Variants in PLA2R1 observed in about 807,000 individuals in gnomAD.
The protein encoded by PLA2R1 is phospholipase A2 receptor 1.
PLA2R1 carries 158 observed loss-of-function variants against 195.9 expected under a neutral mutation model. The observed-to-expected ratio is 0.81, with a 90% CI of 0.71 to 0.92. PLA2R1 has a LOEUF of 0.92. Among genes scored for constraint, PLA2R1 ranks in the 40% least tolerant of loss-of-function variants. The pLI is 0.00. For missense variants in PLA2R1, 1,626 were observed against 1,764.6 expected (o/e 0.92, Z 1.41); for synonymous variants, 586 against 598.2 (o/e 0.98, Z 0.30).
In PLA2R1 at chr2:160,062,323, A is replaced by G; in HGVS notation, c.81T>C (p.Leu27=). 1 of 1,523,536 alleles carries G rather than the reference A, an allele frequency of 6.6e-7. No individual in the cohort carries two copies. Among genetic ancestry groups the G allele is most frequent in the Non-Finnish European group, 8.8e-7 (1 of 1,136,032 alleles). 94.4% of individuals were successfully genotyped at this position (1,523,536 alleles called of 1,614,324 possible). ...GCCACTCCAGGAGCCGCTCGGGGGTAAGCGCCGCCGCCACACCCTCGGCGC... is the reference window on the plus strand; with the variant it reads ...GCCACTCCAGGAGCCGCTCGGGGGTGAGCGCCGCCGCCACACCCTCGGCGC... The part of the protein sequence containing the change: ...RGCAEGVAAA[L]TPERLLEWQD... Residue 27 remains leucine (L), a synonymous_variant, in exon 1 of 30, where the codon CTT becomes CTC. Coordinates refer to ENST00000283243, the MANE Select transcript of PLA2R1 (RefSeq NM_007366.5).
At chr2:160,035,343 A>G (rs947638260) in intron 3 of PLA2R1, among the ~76,000 whole-genome samples, 1 of 152,194 alleles carries the variant, frequency 6.6e-6, no homozygotes, top group Non-Finnish European at 1.5e-5. Flanking sequence ...CTGCTTTGGC[A>G]GAAGAGTCTC....
intron 3 of PLA2R1, among the ~76,000 whole-genome samples, chr2:160,041,290 G>T (rs1261654135): frequency 6.6e-6 from 1 of 152,112 alleles, no homozygotes; most frequent in Non-Finnish European, 1.5e-5. Flanking sequence ...GAAACCAAGG[G>T]AAAGGAAATT....
intron 20 of PLA2R1, among the ~76,000 whole-genome samples, chr2:159,964,602 T>C (rs181064741): frequency 6.6e-6 from 1 of 152,288 alleles, no homozygotes; most frequent in East Asian, 1.9e-4. Context: ...TGTACCTCAT[T>C]ACTATAGTAA....
At chr2:159,947,137 T>G (rs753624335) in intron 26 of PLA2R1, among the ~76,000 whole-genome samples, 6 of 152,194 alleles carry the variant, frequency 3.9e-5, no homozygotes, top group Admixed American at 6.6e-5. Context: ...TTAGGGAACA[T>G]TCAAAATTCA....
Position 160,028,138 on chromosome 2 carries a change from A to G in PLA2R1, c.1099+80T>C, listed in dbSNP as rs1006700016. The G allele has an allele frequency of 5.5e-6, 5 of 912,702 alleles. No homozygotes were observed. In the Admixed American group the frequency reaches 1.3e-4, roughly 24 times the overall value. 56.5% of individuals were successfully genotyped at this position (912,702 alleles called of 1,614,324 possible). A position where few individuals can be genotyped will look rare whatever the true frequency, so the allele number is the denominator to read the frequency against. On this transcript the variant is annotated intron_variant, in intron 6 of 29. Transcript: ENST00000283243. ...AGCTAAGTTTACATTATGAATTATT[A>G]GCAAAAAATAGAGAAATTTACATAT...
rs1231700939 is a variant in PLA2R1, at chr2:159,955,222, C to T, written c.3278G>A (p.Gly1093Glu). 1 of 1,608,718 alleles carries T rather than the reference C, an allele frequency of 6.2e-7. No individual in the cohort carries two copies. Among genetic ancestry groups the T allele is most frequent in the East Asian group, 2.2e-5 (1 of 44,512 alleles). ...ACCTTGCATTTTTTCACAAACAAAC[C>T]CATAGCCTTCCTTTCCACAGTCTTC... Reference protein sequence around the residue: ...YFEDCGKEGYGFVCEKMQDTS... With the variant: ...YFEDCGKEGYEFVCEKMQDTS... Residue 1093 changes from glycine to glutamate, a missense_variant, in exon 23 of 30, where the codon GGG (glycine) becomes GAG (glutamate). Physicochemically the swap from Gly to Glu is moderately conservative, Grantham distance 98. Coordinates refer to ENST00000283243, the MANE Select transcript of PLA2R1 (RefSeq NM_007366.5).
chr2:160,039,811 C>G (rs1355422), intron 3 of PLA2R1, among the ~76,000 whole-genome samples: 56,756 of 151,668 alleles, frequency 0.37, 12,854 homozygotes, highest in African/African-American at 0.6. Flanking sequence ...CTGAGCTGTA[C>G]AAGGCTGAAC....
At chr2:159,943,771 G>A (rs1381078643) in intron 28 of PLA2R1, among the ~76,000 whole-genome samples, 3 of 151,770 alleles carry the variant, frequency 2.0e-5, no homozygotes, top group Non-Finnish European at 4.4e-5. Context: ...GATAACTTGG[G>A]CACATTATTT....
chr2:159,928,601 C>G (rs554977418), downstream of PLA2R1, among the ~76,000 whole-genome samples: 1 of 152,096 alleles, frequency 6.6e-6, no homozygotes, highest in East Asian at 1.9e-4. Context: ...TCTACAAATT[C>G]AATGCATTTC....
chr2:159,999,146 A>G (rs1691424176), intron 11 of PLA2R1, among the ~76,000 whole-genome samples: 1 of 152,158 alleles, frequency 6.6e-6, no homozygotes, highest in Non-Finnish European at 1.5e-5. Context: ...TTCAGCAGAC[A>G]CTGAATCTGC....
chr2:159,962,703 C>A (rs1027429952), intron 20 of PLA2R1, among the ~76,000 whole-genome samples: 13 of 152,114 alleles, frequency 8.5e-5, no homozygotes, highest in African/African-American at 3.1e-4. Context: ...ACTATGCAGC[C>A]ATAAAAAAGG....
rs1415460819 is a variant in PLA2R1, at chr2:159,935,423, GAGA to G, written c.*6352_*6354del. ...CATTTATCAATTGGAATTTACTGGGGAGAAGAACTGTTTCTTCTTTTCATTCAT... is the reference window on the plus strand; with the variant it reads ...CATTTATCAATTGGAATTTACTGGGGAGAACTGTTTCTTCTTTTCATTCAT... On this transcript the variant is annotated 3_prime_UTR_variant, in exon 30 of 30. Coordinates refer to ENST00000283243, the MANE Select transcript of PLA2R1 (RefSeq NM_007366.5). 1 of 152,174 alleles carries G rather than the reference GAGA, an allele frequency of 6.6e-6. No individual in the cohort carries two copies. The highest frequency in any genetic ancestry group is 6.5e-5 in the Admixed American group (1 of 15,286). The allele number at this position is 152,174 out of a possible 1,614,324, so 9.4% of individuals were successfully genotyped here.
In PLA2R1 at chr2:160,058,502, G is replaced by A. The variant is rs1392684911; in HGVS notation, c.109+3793C>T. ...AAACTCTCCTACGATATATTAGTGGGGGACCATTTCACATTTATCATTTTT... is the reference window on the plus strand; with the variant it reads ...AAACTCTCCTACGATATATTAGTGGAGGACCATTTCACATTTATCATTTTT... On this transcript the variant is annotated intron_variant, in intron 1 of 29. Coordinates refer to ENST00000283243, the MANE Select transcript of PLA2R1 (RefSeq NM_007366.5). Among the ~76,000 whole-genome samples, 4 of 152,064 alleles carry A rather than the reference G, an allele frequency of 2.6e-5. No individual in the cohort carries two copies. In the East Asian group the frequency reaches 7.7e-4, roughly 29 times the overall value.
At chr2:160,049,170 T>A (rs78192042) in intron 1 of PLA2R1, among the ~76,000 whole-genome samples, 2 of 117,896 alleles carry the variant, frequency 1.7e-5, no homozygotes, top group Non-Finnish European at 3.8e-5. Flanking sequence ...ATTTCTATCC[T>A]TTTTTTTTTA....
At chr2:159,968,653 T>A (rs1316532286) in intron 19 of PLA2R1, among the ~76,000 whole-genome samples, 1 of 152,202 alleles carries the variant, frequency 6.6e-6, no homozygotes, top group Non-Finnish European at 1.5e-5. Context: ...CATTATCTTT[T>A]ATTGGTTAGA....
intron 1 of PLA2R1, among the ~76,000 whole-genome samples, chr2:160,060,518 C>T (rs191062141): frequency 2.4e-4 from 36 of 152,300 alleles, no homozygotes; most frequent in Non-Finnish European, 4.0e-4. Flanking sequence ...ACATAACCTC[C>T]GTGCTCCTTG....
intron 10 of PLA2R1, among the ~76,000 whole-genome samples, chr2:160,008,299 C>T (rs1186625774): frequency 6.6e-6 from 1 of 152,180 alleles, no homozygotes; most frequent in Non-Finnish European, 1.5e-5. Flanking sequence ...GAGTGAGACC[C>T]TGTCTCAAAA....
rs377246519 is a variant in PLA2R1 at position 159,977,364 on chromosome 2, C to T, written c.2321G>A (p.Cys774Tyr). Reference protein sequence around the residue: ...NTYFGEDARNCAVYKANKTLL... With the variant: ...NTYFGEDARNYAVYKANKTLL... ...TGTTTTGTTTGCCTTATAAACAGCA[C>T]AGTTTCTTGCATCTTCTCCAAAATA... is the stretch of plus-strand genomic sequence containing the variant. Residue 774 changes from cysteine to tyrosine, a missense_variant, in exon 15 of 30, where the codon TGT (cysteine) becomes TAT (tyrosine). Cys to Tyr is a radical substitution (Grantham distance 194). Transcript: ENST00000283243. 1.2e-6 allele frequency: 2 copies of T among 1,612,682 alleles called. No homozygotes were observed. The highest frequency in any genetic ancestry group is 4.5e-5 in the East Asian group (2 of 44,830).
intron 3 of PLA2R1, among the ~76,000 whole-genome samples, chr2:160,034,491 A>G (rs1197379515): frequency 6.6e-6 from 1 of 152,194 alleles, no homozygotes; most frequent in East Asian, 1.9e-4. Flanking sequence ...ATCCTTAAAG[A>G]TTGTTTTCAG....
Sources: allele counts gnomAD v4.1 joint callset (sites outside exome capture counted in the v4.1 genomes callset), GRCh38; gene constraint gnomAD v4.1.1; transcripts MANE v1.5; gene names NCBI Gene and HGNC (gene_info 2026-07-23, HGNC 2026-07-21).